The following DGKB variants were observed in gnomAD, a reference collection of about 807,000 sequenced individuals.
The protein encoded by DGKB is 90 kDa diacylglycerol kinase.
In DGKB, 67 loss-of-function variants were observed where a neutral mutation model predicts 114.3. The observed-to-expected ratio is 0.59, with a 90% confidence interval of 0.48 to 0.72. The LOEUF (loss-of-function observed/expected upper bound fraction) is 0.72, where lower values mean the gene tolerates loss of function less well. Ranked by LOEUF, DGKB falls within the 30% of genes least tolerant of loss-of-function variation. The pLI, the probability that DGKB is intolerant of heterozygous loss-of-function variation, is 0.00. For missense variants in DGKB, 907 were observed against 975.2 expected (o/e 0.93, Z 0.93); for synonymous variants, 398 against 323.1 (o/e 1.23, Z -2.49).
chr7:14,840,337 C>A (rs1169633965), intron 2 of DGKB, among the ~76,000 whole-genome samples: 2 of 152,066 alleles, frequency 1.3e-5, no homozygotes, highest in Non-Finnish European at 2.9e-5. Flanking sequence ...CTGTACTCAT[C>A]ATTTTCCAAG....
At position 14,841,236 on chromosome 7, in the gene DGKB, G is replaced by A; in HGVS notation, c.28C>T (p.Leu10Phe). MTNQEKWAH[L>F]SPSEFSQLQK... ...AGTTGGGAAAATTCCGAAGGGCTGA[G>A]GTGGGCCCATTTTTCCTGGTTTGTC... is the stretch of plus-strand genomic sequence containing the variant. Residue 10 changes from leucine to phenylalanine, a missense_variant, in exon 2 of 26, where the codon CTC becomes TTC. Physicochemically the swap from Leu to Phe is conservative, Grantham distance 22 (BLOSUM62 0). Around this residue, in one of 3 missense-constraint regions of DGKB, gnomAD observed 814 missense variants for 856.6 expected, o/e 0.95. Transcript: ENST00000402815. 6.2e-7 allele frequency: 1 copy of A among 1,613,558 alleles called. No individual in the cohort carries two copies.
intron 16 of DGKB, among the ~76,000 whole-genome samples, chr7:14,610,351 G>C (rs1805313147): frequency 6.6e-6 from 1 of 151,948 alleles, no homozygotes; most frequent in Non-Finnish European, 1.5e-5. Context: ...TTAAACATGG[G>C]AACAGTAGAC....
intron 23 of DGKB, among the ~76,000 whole-genome samples, chr7:14,295,010 C>G (rs1802317104): frequency 6.6e-6 from 1 of 152,108 alleles, no homozygotes; most frequent in African/African-American, 2.4e-5. Context: ...GGAAGGGCAT[C>G]CATCAACAGG....
At chr7:14,849,427 T>C (rs1405552386) in intron 1 of DGKB, among the ~76,000 whole-genome samples, 1 of 152,122 alleles carries the variant, frequency 6.6e-6, no homozygotes, top group Non-Finnish European at 1.5e-5. Flanking sequence ...AATGCCTTTA[T>C]AAAAGGGCAA....
chr7:14,510,989 C>T (rs1025339970), intron 20 of DGKB, among the ~76,000 whole-genome samples: 4 of 152,170 alleles, frequency 2.6e-5, no homozygotes, highest in African/African-American at 9.7e-5. Flanking sequence ...AACAAACGTG[C>T]TTCTATTCTG....
chr7:14,397,083 C>A (rs755037017), intron 21 of DGKB, among the ~76,000 whole-genome samples: 1 of 151,714 alleles, frequency 6.6e-6, no homozygotes, highest in Non-Finnish European at 1.5e-5. Flanking sequence ...GAAGAAATTG[C>A]GGGGCATGAA....
chr7:14,942,503 G>T (rs1221516354), intron 1 of DGKB, among the ~76,000 whole-genome samples: 1 of 151,668 alleles, frequency 6.6e-6, no homozygotes, highest in Admixed American at 6.6e-5. Context: ...GGATGATTAC[G>T]GTCATAGTCT....
intron 23 of DGKB, among the ~76,000 whole-genome samples, chr7:14,197,614 T>C (rs1785216012): frequency 6.6e-6 from 1 of 152,040 alleles, no homozygotes; most frequent in African/African-American, 2.4e-5. Flanking sequence ...TAAAGGAAAA[T>C]CGAATTTTAA....
chr7:14,196,628 A>G (rs1230015353), intron 23 of DGKB, among the ~76,000 whole-genome samples: 1 of 152,138 alleles, frequency 6.6e-6, no homozygotes, highest in African/African-American at 2.4e-5. Flanking sequence ...CATAAGAAAT[A>G]CAATCTCCTT....
chr7:14,283,075 C>T (rs1209261515), intron 23 of DGKB, among the ~76,000 whole-genome samples: 1 of 151,750 alleles, frequency 6.6e-6, no homozygotes, highest in Non-Finnish European at 1.5e-5. Flanking sequence ...GTTAAATTGT[C>T]CCTGTTTGCA....
intron 13 of DGKB, among the ~76,000 whole-genome samples, chr7:14,658,799 A>G (rs1816388757): frequency 6.6e-6 from 1 of 151,998 alleles, no homozygotes; most frequent in South Asian, 2.1e-4. Context: ...TTTTAATACT[A>G]AAGAATATTT....
intron 21 of DGKB, among the ~76,000 whole-genome samples, chr7:14,471,689 TA>T (rs1781426583): frequency 1.3e-5 from 2 of 152,064 alleles, no homozygotes; most frequent in Admixed American, 1.3e-4. Context: ...AATAGTTATG[TA>T]GAATGAAGAC....
intron 23 of DGKB, among the ~76,000 whole-genome samples, chr7:14,255,213 A>C (rs923259662): frequency 5.3e-5 from 8 of 152,248 alleles, no homozygotes; most frequent in African/African-American, 1.9e-4. Flanking sequence ...TCTTGAAAGA[A>C]GATGTAAACT....
intron 1 of DGKB, among the ~76,000 whole-genome samples, chr7:14,866,359 A>G (rs540370643): frequency 6.6e-6 from 1 of 152,250 alleles, no homozygotes; most frequent in East Asian, 1.9e-4. Flanking sequence ...CATTTTATAG[A>G]GTAGTTTTAT....
chr7:14,915,923 T>C (rs1429863964), intron 1 of DGKB, among the ~76,000 whole-genome samples: 1 of 151,998 alleles, frequency 6.6e-6, no homozygotes. Context: ...TGAATGAGGG[T>C]AAAATAAAAT....
intron 1 of DGKB, among the ~76,000 whole-genome samples, chr7:14,958,758 T>A (rs1786668143): frequency 2.0e-5 from 3 of 152,082 alleles, no homozygotes; most frequent in Non-Finnish European, 2.9e-5. Context: ...GCAAGTTTCC[T>A]GACACCTGCT....
intron 2 of DGKB, among the ~76,000 whole-genome samples, chr7:14,794,981 C>G (rs892709486): frequency 6.6e-6 from 1 of 152,088 alleles, no homozygotes; most frequent in African/African-American, 2.4e-5. Context: ...ACTGTAATGA[C>G]CTCCCCCAAG....
At chr7:14,154,096 C>G (rs1480276969) in intron 25 of DGKB, among the ~76,000 whole-genome samples, 1 of 149,108 alleles carries the variant, frequency 6.7e-6, no homozygotes, top group Admixed American at 6.7e-5. Flanking sequence ...GAGAGCTAGA[C>G]AGAAACCTAA....
intron 21 of DGKB, among the ~76,000 whole-genome samples, chr7:14,356,392 C>T (rs536682605): frequency 4.7e-4 from 56 of 118,710 alleles, no homozygotes; most frequent in Middle Eastern, 8.6e-3. Context: ...GACGGAGTCT[C>T]GCTCTATTGC....
Sources: allele counts gnomAD v4.1 joint callset (sites outside exome capture counted in the v4.1 genomes callset), GRCh38; gene constraint gnomAD v4.1.1; regional missense constraint gnomAD v4.1.1; transcripts MANE v1.5; gene names NCBI Gene and HGNC (gene_info 2026-07-23, HGNC 2026-07-21).